Variants in PHACTR2 observed in about 807,000 individuals in gnomAD.
The protein encoded by PHACTR2 is chromosome 6 open reading frame 56.
A neutral mutation model predicts 76.0 loss-of-function variants in PHACTR2; 30 were observed. The observed-to-expected ratio is 0.39, with a 90% CI of 0.30 to 0.54. PHACTR2 has a LOEUF of 0.54. Among genes scored for constraint, PHACTR2 ranks in the 20% least tolerant of loss-of-function variants. The pLI is 0.61. For missense variants in PHACTR2, 696 were observed against 781.1 expected (o/e 0.89, Z 1.30); for synonymous variants, 292 against 292.5 (o/e 1.00, Z 0.02).
upstream of PHACTR2, among the ~76,000 whole-genome samples, chr6:143,673,727 C>A (rs1224440609): frequency 6.6e-6 from 1 of 151,892 alleles, no homozygotes; most frequent in African/African-American, 2.4e-5. Flanking sequence ...CCAGCACCAC[C>A]CCTTGAGGTC....
chr6:143,718,119 A>G (rs952453517), intron 2 of PHACTR2, among the ~76,000 whole-genome samples: 4 of 152,220 alleles, frequency 2.6e-5, no homozygotes, highest in Admixed American at 2.0e-4. Context: ...TAATAGAAAA[A>G]GAATGCCTGT....
At chr6:143,735,391 A>G (rs1340585383) in intron 2 of PHACTR2, among the ~76,000 whole-genome samples, 1 of 152,224 alleles carries the variant, frequency 6.6e-6, no homozygotes, top group Admixed American at 6.5e-5. Flanking sequence ...TTTTCATTTC[A>G]GCATTTATAG....
intron 2 of PHACTR2, among the ~76,000 whole-genome samples, chr6:143,724,369 T>C (rs1366571570): frequency 1.3e-5 from 2 of 151,982 alleles, no homozygotes; most frequent in Non-Finnish European, 2.9e-5. Context: ...CCCGAACTCG[T>C]GATCCACCCG....
intron 1 of PHACTR2, among the ~76,000 whole-genome samples, chr6:143,691,985 A>G (rs1378382436): frequency 1.3e-5 from 2 of 152,050 alleles, no homozygotes; most frequent in African/African-American, 4.8e-5. Flanking sequence ...TTTCCTTTCA[A>G]TTGTGTGCCT....
At chr6:143,729,222 C>A (rs1007216941) in intron 2 of PHACTR2, among the ~76,000 whole-genome samples, 4 of 151,888 alleles carry the variant, frequency 2.6e-5, no homozygotes, top group Non-Finnish European at 5.9e-5. Context: ...TTTGAGATTT[C>A]TTTATATATT....
At chr6:143,749,584 G>T (rs1053608465) in intron 3 of PHACTR2, among the ~76,000 whole-genome samples, 1 of 152,008 alleles carries the variant, frequency 6.6e-6, no homozygotes, top group African/African-American at 2.4e-5. Flanking sequence ...CCTGCTTTCT[G>T]CTTTCTCTCA....
rs1777372408 is a variant in PHACTR2, at chr6:143,680,705, C to T, written c.46+2496C>T. Among the ~76,000 whole-genome samples the T allele has an allele frequency of 6.6e-6, 1 of 152,170 alleles. No individual in the cohort carries two copies. Among genetic ancestry groups the T allele is most frequent in the African/African-American group, 2.4e-5 (1 of 41,452 alleles). ...ATTCACCCATGGAAAGTGTACAGTT[C>T]ATTGTTTTTCAGTGTGTTCACAGTG... On this transcript the variant is annotated intron_variant, in intron 1 of 12. Transcript: ENST00000440869. The surrounding 1 kb of genome is among the most constrained non-coding windows in gnomAD (Gnocchi z 4.5).
rs1271361713 is a variant in PHACTR2, at chr6:143,625,855, C to G, written c.13+17533C>G. ...AACAAGTAAATGTATGATAAAATGCCAGGAAGTGGTAAGAACCATGAAGAA... is the reference window on the plus strand; with the variant it reads ...AACAAGTAAATGTATGATAAAATGCGAGGAAGTGGTAAGAACCATGAAGAA... On this transcript the variant is annotated intron_variant, in intron 1 of 11. Transcript: ENST00000305766. The surrounding 1 kb of genome is among the most constrained non-coding windows in gnomAD (Gnocchi z 4.3). Among the ~76,000 whole-genome samples, 2 of 152,114 alleles carry G rather than the reference C, an allele frequency of 1.3e-5. No homozygotes were observed. Among genetic ancestry groups the G allele is most frequent in the Non-Finnish European group, 2.9e-5 (2 of 68,026 alleles).
intron 1 of PHACTR2, among the ~76,000 whole-genome samples, chr6:143,629,262 C>T (rs1406378763): frequency 6.6e-6 from 1 of 152,014 alleles, no homozygotes. Flanking sequence ...CATCTAACCA[C>T]GTCTGCTGAG....
At chr6:143,674,087 A>G (rs901208059), upstream of PHACTR2, among the ~76,000 whole-genome samples, 1 of 152,228 alleles carries the variant, frequency 6.6e-6, no homozygotes, top group African/African-American at 2.4e-5. The surrounding 1 kb of genome is among the most constrained non-coding windows in gnomAD (Gnocchi z 4.9). Context: ...TCAAACCAGC[A>G]TCTCTCAGAA....
chr6:143,577,219 G>T (rs564382722), intron 1 of PHACTR2, among the ~76,000 whole-genome samples: 3 of 152,306 alleles, frequency 2.0e-5, no homozygotes, highest in East Asian at 3.9e-4. Context: ...TTGTATTTTA[G>T]CATGCTCTGT....
chr6:143,569,972 C>T (rs1775427268), intron 1 of PHACTR2, among the ~76,000 whole-genome samples: 3 of 152,176 alleles, frequency 2.0e-5, no homozygotes, highest in Admixed American at 6.5e-5. Context: ...ACAACCAGTT[C>T]ACAGAATTCG....
chr6:143,760,752 CCAGCAGGTT>C lies in PHACTR2; in HGVS notation c.694+117_694+125del, dbSNP rs370559818. ...GCTTTTGGTGTCTTAGGACATTACA[CCAGCAGGTT>C]CAGCTTTGACACAAAGAATGCCCAG... On this transcript the variant is annotated intron_variant, in intron 5 of 12. Coordinates refer to ENST00000440869, the MANE Select transcript of PHACTR2 (RefSeq NM_001100164.2). The surrounding 1 kb of genome is among the most constrained non-coding windows in gnomAD (Gnocchi z 6.4). 1.4e-4 allele frequency: 170 copies of C among 1,232,342 alleles called. 1 individual carries two copies. In the African/African-American group the frequency reaches 2.2e-3, roughly 16 times the overall value. The allele number at this position is 1,232,342 out of a possible 1,614,324, so 76.3% of individuals were successfully genotyped here. A position where few individuals can be genotyped will look rare whatever the true frequency, so the allele number is the denominator to read the frequency against.
Position 143,772,336 on chromosome 6 carries a change from C to T in PHACTR2, c.1311C>T (p.Ser437=). The T allele has an allele frequency of 6.2e-7, 1 of 1,613,642 alleles. No homozygotes were observed. The highest frequency in any genetic ancestry group is 8.5e-7 in the Non-Finnish European group (1 of 1,179,576). The change falls in exon 7 of 13, where the codon TCC becomes TCT. Residue 437 remains serine (S), a synonymous_variant. Coordinates refer to ENST00000440869, the MANE Select transcript of PHACTR2 (RefSeq NM_001100164.2). This position sits in a 1 kb window ranked among gnomAD's most constrained non-coding sequence, Gnocchi z 5.4. ...GGCTGATGGGCGAATCTTCAGAATC[C>T]TTTAGTGCCTCAGAAGATGAAGGCC... is the stretch of plus-strand genomic sequence containing the variant. ...TPGLMGESSE[S]FSASEDEGHR...
chr6:143,803,904 G>T lies in PHACTR2; in HGVS notation c.1846-3153G>T, dbSNP rs1225164549. On this transcript the variant is annotated intron_variant, in intron 11 of 12. Transcript: ENST00000440869. This position sits in a 1 kb window ranked among gnomAD's most constrained non-coding sequence, Gnocchi z 4.7. ...GAGGTAAACAACTGCAGCCGTTAGT[G>T]TTGCCAGGCAAATATTCTCAGGGCA... is the stretch of plus-strand genomic sequence containing the variant. 2.0e-5 allele frequency among the ~76,000 whole-genome samples: 3 copies of T among 152,190 alleles called. No homozygotes were observed. Among genetic ancestry groups the T allele is most frequent in the South Asian group, 4.1e-4 (2 of 4,830 alleles).
chr6:143,636,970 G>C (rs868629957), intron 1 of PHACTR2, among the ~76,000 whole-genome samples: 1 of 152,224 alleles, frequency 6.6e-6, no homozygotes, highest in Non-Finnish European at 1.5e-5. Context: ...CAGCCCTTGG[G>C]CACATGGCCA....
At position 143,757,160 on chromosome 6, in the gene PHACTR2, T is replaced by C. The variant is rs1180355025; in HGVS notation, c.455-3241T>C. On this transcript the variant is annotated intron_variant, in intron 4 of 12. Transcript: ENST00000440869. This position sits in a 1 kb window ranked among gnomAD's most constrained non-coding sequence, Gnocchi z 4.2. The stretch of plus-strand genomic sequence containing the variant: ...AAATCTTCAATGAAATAACAAGTGA[T>C]GAACACTTATTTGTTCCACAAATAA... Among the ~76,000 whole-genome samples the C allele has an allele frequency of 6.6e-6, 1 of 152,230 alleles. No homozygotes were observed. The highest frequency in any genetic ancestry group is 2.4e-5 in the African/African-American group (1 of 41,450).
chr6:143,665,586 C>T (rs1003350441), intron 1 of PHACTR2, among the ~76,000 whole-genome samples: 6 of 152,198 alleles, frequency 3.9e-5, no homozygotes, highest in Admixed American at 3.3e-4. Context: ...CTCCCACACC[C>T]CACATTCAAT....
intron 2 of PHACTR2, among the ~76,000 whole-genome samples, chr6:143,735,565 T>G (rs544128077): frequency 6.6e-6 from 1 of 152,262 alleles, no homozygotes; most frequent in Admixed American, 6.5e-5. Context: ...AAATGAAAAC[T>G]CTGTGCCCAT....
Sources: allele counts gnomAD v4.1 joint callset (sites outside exome capture counted in the v4.1 genomes callset), GRCh38; gene constraint gnomAD v4.1.1; non-coding constraint Gnocchi (gnomAD v3.1); transcripts MANE v1.5; gene names NCBI Gene and HGNC (gene_info 2026-07-23, HGNC 2026-07-21).